DPPA4: variants seen among roughly 807,000 people sequenced by gnomAD.
DPPA4 encodes developmental pluripotency-associated protein 4.
DPPA4 carries 22 observed loss-of-function variants against 33.7 expected under a neutral mutation model. The ratio of observed to expected loss-of-function variants is 0.65; its 90% confidence interval spans 0.47 to 0.93. The LOEUF (loss-of-function observed/expected upper bound fraction) is 0.93, where lower values mean the gene tolerates loss of function less well. Ranked by LOEUF, DPPA4 falls within the 40% of genes least tolerant of loss-of-function variation. The pLI is 0.00. For synonymous variants in DPPA4, 156 were observed against 132.3 expected, an observed-to-expected ratio of 1.18 and a Z score of -1.23; for missense variants, 340 against 358.6, an observed-to-expected ratio of 0.95 and a Z score of 0.42.
chr3:109,328,018 C>A lies in DPPA4; in HGVS notation c.885G>T (p.Lys295Asn). 1 of 1,530,478 alleles carries A rather than the reference C, an allele frequency of 6.5e-7. No homozygotes were observed. The highest frequency in any genetic ancestry group is 9.0e-7 in the Non-Finnish European group (1 of 1,105,244). The allele number at this position is 1,530,478 out of a possible 1,614,324, so 94.8% of individuals were successfully genotyped here. Reference sequence around the variant, plus strand: ...CCCATTGGAGGCTTTTTATTAAGACCTTGTTCCTATAAAGCAAATAAAGTA... The same window carrying A: ...CCCATTGGAGGCTTTTTATTAAGACATTGTTCCTATAAAGCAAATAAAGTA... ...MLCPKCVHRN[K>N]VLIKSLQWE The change falls in exon 7 of 7, where the codon AAG (lysine) becomes AAT (asparagine). Residue 295 changes from lysine to asparagine, a missense_variant. By Grantham distance (94) the Lys-to-Asn change is moderately conservative (BLOSUM62 0). This residue lies in a region of DPPA4 where 212 missense variants were observed against 206.5 expected (regional missense o/e 1.03). Coordinates refer to ENST00000335658, the MANE Select transcript of DPPA4 (RefSeq NM_018189.4).
chr3:109,332,081 T>A, intron 2 of DPPA4, 50 bp from the exon 3 acceptor site: 1 of 1,464,300 alleles, frequency 6.8e-7, no homozygotes, highest in Non-Finnish European at 9.3e-7. Flanking sequence ...GTGTAGCTTT[T>A]CTGAATTTCA....
chr3:109,331,250 G>A (rs1708064436), intron 4 of DPPA4, among the ~76,000 whole-genome samples: 1 of 92,178 alleles, frequency 1.1e-5, no homozygotes, highest in Admixed American at 1.7e-4. Flanking sequence ...GACAGAGGGA[G>A]ACTCTGTCTC....
Position 109,327,972 on chromosome 3 carries a change from C to G in DPPA4, c.*16G>C. Reference sequence around the variant, plus strand: ...CTGCCATTAATTACCATAGATGTGGCCTTTTTCCTGATATTCTATTCCCAT... The same window carrying G: ...CTGCCATTAATTACCATAGATGTGGGCTTTTTCCTGATATTCTATTCCCAT... On this transcript the variant is annotated 3_prime_UTR_variant, in exon 7 of 7. Transcript: ENST00000335658. The G allele has an allele frequency of 6.5e-7, 1 of 1,537,480 alleles. No individual in the cohort carries two copies. Among genetic ancestry groups the G allele is most frequent in the Non-Finnish European group, 9.0e-7 (1 of 1,111,646 alleles).
chr3:109,334,307 G>A (rs780070616), intron 1 of DPPA4, among the ~76,000 whole-genome samples: 3 of 152,150 alleles, frequency 2.0e-5, no homozygotes, highest in Non-Finnish European at 2.9e-5. Context: ...AGTGCTATAG[G>A]AGGCCTAGGC....
chr3:109,334,906 T>C (rs545257480), intron 1 of DPPA4, among the ~76,000 whole-genome samples: 4 of 152,328 alleles, frequency 2.6e-5, no homozygotes, highest in Non-Finnish European at 5.9e-5. Flanking sequence ...TCAAGTGCTA[T>C]TTAACCTGGT....
At chr3:109,328,760 T>C in intron 6 of DPPA4, 130 bp downstream of exon 6, 1 of 855,240 alleles carries the variant, frequency 1.2e-6, no homozygotes, top group East Asian at 2.7e-5. Flanking sequence ...AGTAATAATT[T>C]TCTTGAAACT....
rs1454039735 is a variant in DPPA4 at position 109,329,857 on chromosome 3, T to A, written c.679+667A>T. 2.0e-5 allele frequency: 3 copies of A among 152,490 alleles called. No individual in the cohort carries two copies. The East Asian group carries it at 5.8e-4, about 29-fold the overall frequency. The allele number at this position is 152,490 out of a possible 1,614,324, so 9.4% of individuals were successfully genotyped here. ...GGGCTCAGTTGCAGGCAATTAATTT[T>A]AGACCTTGCCTTTAATTTAAATTGC... On this transcript the variant is annotated intron_variant, in intron 5 of 6. Transcript: ENST00000335658.
upstream of DPPA4, among the ~76,000 whole-genome samples, chr3:109,337,904 C>A (rs1163447): frequency 0.29 from 44,264 of 152,040 alleles, 13,333 homozygotes; most frequent in African/African-American, 0.77. Context: ...GAACTTGTGG[C>A]AACAGTAGAC....
intron 1 of DPPA4, among the ~76,000 whole-genome samples, chr3:109,335,044 C>T (rs1397332552): frequency 1.3e-5 from 2 of 152,184 alleles, no homozygotes; most frequent in African/African-American, 4.8e-5. Flanking sequence ...TTAAAGGAAG[C>T]AAAGTGGGAG....
intron 5 of DPPA4, 192 bp downstream of exon 5, chr3:109,330,312 AAAAAAAAAAAAAAAAAAAAG>A (rs1559707673): frequency 7.2e-5 from 2 of 27,780 alleles, no homozygotes; most frequent in African/African-American, 2.1e-4. Context: ...AAAAAAAAAA[AAAAAAAAAAAAAAAAAAAAG>A]GAAAAAAAAA....
chr3:109,326,909 G>A lies in DPPA4; in HGVS notation c.*1079C>T, dbSNP rs1270041608. The A allele has an allele frequency of 1.3e-5, 2 of 152,082 alleles. No individual in the cohort carries two copies. The highest frequency in any genetic ancestry group is 4.8e-5 in the African/African-American group (2 of 41,428). The allele number at this position is 152,082 out of a possible 1,614,324, so 9.4% of individuals were successfully genotyped here. A position where few individuals can be genotyped will look rare whatever the true frequency, so the allele number is the denominator to read the frequency against. On this transcript the variant is annotated 3_prime_UTR_variant, in exon 7 of 7. Transcript: ENST00000335658. Reference sequence around the variant, plus strand: ...AGAACACTAACAATAAAATTTGCATGCAATGAATATGGTTCTCTAAATACA... The same window carrying A: ...AGAACACTAACAATAAAATTTGCATACAATGAATATGGTTCTCTAAATACA...
upstream of DPPA4, among the ~76,000 whole-genome samples, chr3:109,339,556 A>C (rs1708273471): frequency 6.6e-6 from 1 of 151,842 alleles, no homozygotes; most frequent in Non-Finnish European, 1.5e-5. Flanking sequence ...TCATGAGTTC[A>C]AGACCAGCCT....
intron 2 of DPPA4, chr3:109,333,349 CAAAAAAAAAAAAAAAAA>C (rs56044946): frequency 1.0e-5 from 1 of 97,562 alleles, no homozygotes; most frequent in Non-Finnish European, 2.0e-5. Flanking sequence ...CTTGGTGTCT[CAAAAAAAAAAAAAAAAA>C]AAAAAAAAAA....
At chr3:109,336,908 T>C (rs1708226321) in intron 1 of DPPA4, among the ~76,000 whole-genome samples, 1 of 152,074 alleles carries the variant, frequency 6.6e-6, no homozygotes, top group Non-Finnish European at 1.5e-5. Flanking sequence ...TTTTTTAACT[T>C]TTTCTTTTGA....
chr3:109,333,278 G>C (rs1708119874), intron 2 of DPPA4: 1 of 147,476 alleles, frequency 6.8e-6, no homozygotes, highest in Admixed American at 7.0e-5. Context: ...GGAGGCACAG[G>C]TTGCAGGGAG....
At chr3:109,334,664 A>G (rs1006946597) in intron 1 of DPPA4, among the ~76,000 whole-genome samples, 1 of 152,130 alleles carries the variant, frequency 6.6e-6, no homozygotes, top group East Asian at 1.9e-4. Context: ...GAGTGACACT[A>G]TGAAAAGTTT....
chr3:109,337,425 AAGAC>A (rs752132632), intron 1 of DPPA4, 35 bp downstream of exon 1: 29 of 1,600,136 alleles, frequency 1.8e-5, no homozygotes, highest in Middle Eastern at 1.7e-4. Context: ...CAGAAACACA[AAGAC>A]AGACAGAAAA....
At chr3:109,328,314 C>G (rs962167617) in intron 6 of DPPA4, among the ~76,000 whole-genome samples, 5 of 152,148 alleles carry the variant, frequency 3.3e-5, no homozygotes, top group African/African-American at 1.2e-4. Context: ...AAGTGACCTC[C>G]TCAGTTCTCT....
chr3:109,331,934 A>G lies in DPPA4; in HGVS notation c.276T>C (p.Asn92=), dbSNP rs1312430242. ...PPLPSKLPPV[N]LIHRDILRAW... is the part of the protein sequence containing the mutation. Reference sequence around the variant, plus strand: ...CCCGCAGAATGTCCCGGTGAATCAGATTAACAGGTGGCAGTTTAGAAGGTA... The same window carrying G: ...CCCGCAGAATGTCCCGGTGAATCAGGTTAACAGGTGGCAGTTTAGAAGGTA... Residue 92 remains asparagine, a synonymous_variant, in exon 3 of 7, where the codon AAT becomes AAC. Transcript: ENST00000335658. 5 of 1,614,002 alleles carry G rather than the reference A, an allele frequency of 3.1e-6. No homozygotes were observed. The highest frequency in any genetic ancestry group is 2.7e-5 in the African/African-American group (2 of 74,910).
Sources: allele counts gnomAD v4.1 joint callset (sites outside exome capture counted in the v4.1 genomes callset), GRCh38; gene constraint gnomAD v4.1.1; regional missense constraint gnomAD v4.1.1; transcripts MANE v1.5; gene names NCBI Gene and HGNC (gene_info 2026-07-23, HGNC 2026-07-21).